The following KDM5B variants were observed in gnomAD, a reference collection of about 807,000 sequenced individuals.
KDM5B encodes lysine demethylase 5B.
A neutral mutation model predicts 193.4 loss-of-function variants in KDM5B; 144 were observed. That is an observed-to-expected ratio of 0.74 (90% CI 0.65 to 0.86). The LOEUF is 0.86. Ranked by LOEUF, KDM5B falls within the 40% of genes least tolerant of loss-of-function variation. The pLI, the probability that KDM5B is intolerant of heterozygous loss-of-function variation, is 0.00. For synonymous variants in KDM5B, 668 were observed against 682.6 expected (o/e 0.98, Z 0.33); for missense variants, 1,833 against 1,886.9 (o/e 0.97, Z 0.53).
At chr1:202,795,294 C>T (rs921221275) in intron 1 of KDM5B, among the ~76,000 whole-genome samples, 1 of 151,846 alleles carries the variant, frequency 6.6e-6, no homozygotes, top group Non-Finnish European at 1.5e-5. Flanking sequence ...TTGTACTGTC[C>T]TCACCTATTT....
At chr1:202,794,394 A>G (rs1006771631) in intron 1 of KDM5B, among the ~76,000 whole-genome samples, 2 of 152,216 alleles carry the variant, frequency 1.3e-5, no homozygotes, top group African/African-American at 2.4e-5. Context: ...CCCCATAAGA[A>G]TATGTGCTTA....
At chr1:202,767,492 T>G (rs1572744523) in intron 4 of KDM5B, 1 of 809,050 alleles carries the variant, frequency 1.2e-6, no homozygotes, top group Non-Finnish European at 2.1e-6. Flanking sequence ...CACCAAGACC[T>G]TTTTTTCACG....
chr1:202,803,683 C>A (rs538110034), intron 1 of KDM5B, among the ~76,000 whole-genome samples: 1 of 151,856 alleles, frequency 6.6e-6, no homozygotes, highest in Admixed American at 6.6e-5. Context: ...GTTAGCCGGG[C>A]GTGGCGGTGC....
At chr1:202,771,393 A>G (rs1221262751) in intron 4 of KDM5B, among the ~76,000 whole-genome samples, 2 of 97,362 alleles carry the variant, frequency 2.1e-5, no homozygotes, top group African/African-American at 3.1e-5. Flanking sequence ...CACCACATCC[A>G]GCTAATTTTT....
At chr1:202,759,113 T>C (rs1039118776) in intron 8 of KDM5B, among the ~76,000 whole-genome samples, 2 of 152,266 alleles carry the variant, frequency 1.3e-5, no homozygotes, top group Non-Finnish European at 2.9e-5. Flanking sequence ...GAGATATCCT[T>C]ATGTTGTAAC....
In KDM5B at chr1:202,773,040, G is replaced by A. The variant is rs999802617; in HGVS notation, c.576+78C>T. The A allele has an allele frequency of 1.3e-5, 14 of 1,087,722 alleles. No individual in the cohort carries two copies. In the Admixed American group the frequency reaches 3.1e-4, roughly 24 times the overall value. The allele number at this position is 1,087,722 out of a possible 1,614,324, so 67.4% of individuals were successfully genotyped here. A position where few individuals can be genotyped will look rare whatever the true frequency, so the allele number is the denominator to read the frequency against. ...ACAAGGTCTTCCAAACACAATCAAG[G>A]CTTTTTCATTTCCCTGAAAAGACAA... On this transcript the variant is annotated intron_variant, in intron 4 of 26. Coordinates refer to ENST00000367265, the MANE Select transcript of KDM5B (RefSeq NM_006618.5).
chr1:202,730,103 A>T, intron 25 of KDM5B, 76 bp from the exon 26 acceptor site: 2 of 1,256,692 alleles, frequency 1.6e-6, no homozygotes, highest in Non-Finnish European at 2.2e-6. Flanking sequence ...TAAAGAGAAC[A>T]TGTAAATTAG....
chr1:202,760,661 A>G, intron 7 of KDM5B, 88 bp from the exon 8 acceptor site: 1 of 908,798 alleles, frequency 1.1e-6, no homozygotes, highest in Non-Finnish European at 1.7e-6. Flanking sequence ...GATCTGAGAC[A>G]TAATCTAGTC....
At chr1:202,769,828 G>A (rs775260298) in intron 4 of KDM5B, among the ~76,000 whole-genome samples, 1 of 152,066 alleles carries the variant, frequency 6.6e-6, no homozygotes, top group Non-Finnish European at 1.5e-5. Context: ...TTTAATGAAA[G>A]CATGCAGAGG....
In KDM5B at chr1:202,733,855, T is replaced by C; in HGVS notation, c.3455A>G (p.Glu1152Gly). ...MATLGEARLR[E>G]MEALQSLRLA... The stretch of plus-strand genomic sequence containing the variant: ...TCTGAGAGACTGCAAGGCTTCCATT[T>C]CCCTTAGGCGAGCTTCCCCAAGAGT... The change falls in exon 23 of 27, where the codon GAA becomes GGA. Residue 1152 changes from glutamate (E) to glycine (G), a missense_variant. Physicochemically the swap from Glu to Gly is moderately conservative, Grantham distance 98. Around this residue, in one of 3 missense-constraint regions of KDM5B, gnomAD observed 1,379 missense variants for 1,349.6 expected, o/e 1.02. Transcript: ENST00000367265. 1 of 1,613,050 alleles carries C rather than the reference T, an allele frequency of 6.2e-7. No homozygotes were observed. The highest frequency in any genetic ancestry group is 1.3e-5 in the African/African-American group (1 of 74,922).
chr1:202,783,982 G>A (rs1558512081), intron 1 of KDM5B, among the ~76,000 whole-genome samples: 3 of 152,168 alleles, frequency 2.0e-5, no homozygotes. Context: ...TCAGAGGCCT[G>A]AGAAACATCA....
At chr1:202,794,998 A>G (rs576381906) in intron 1 of KDM5B, among the ~76,000 whole-genome samples, 121 of 152,198 alleles carry the variant, frequency 8.0e-4, no homozygotes, top group Middle Eastern at 6.8e-3. Context: ...AGATCACTTG[A>G]GGTCAGGAGT....
chr1:202,779,839 AT>A (rs1327115199), intron 1 of KDM5B, among the ~76,000 whole-genome samples: 3 of 144,124 alleles, frequency 2.1e-5, no homozygotes, highest in African/African-American at 5.0e-5. Context: ...AAATAAATAA[AT>A]AAATAAAAAA....
intron 1 of KDM5B, among the ~76,000 whole-genome samples, chr1:202,799,038 C>T (rs1657968001): frequency 6.6e-6 from 1 of 152,044 alleles, no homozygotes; most frequent in Non-Finnish European, 1.5e-5. Flanking sequence ...AAGGGGAAAT[C>T]CCTTCACTAT....
chr1:202,726,497 G>A lies in KDM5B; in HGVS notation c.*2539C>T, dbSNP rs1409128120. On this transcript the variant is annotated 3_prime_UTR_variant, in exon 27 of 27. Transcript: ENST00000367265. Reference sequence around the variant, plus strand: ...CAGTATTCATTTAGGTGAGGTGGAAGGCACACCTCATCTACCCTTTCTTTC... The same window carrying A: ...CAGTATTCATTTAGGTGAGGTGGAAAGCACACCTCATCTACCCTTTCTTTC... The A allele has an allele frequency of 6.6e-6, 1 of 152,186 alleles. No homozygotes were observed. Among genetic ancestry groups the A allele is most frequent in the Non-Finnish European group, 1.5e-5 (1 of 68,060 alleles). The allele number at this position is 152,186 out of a possible 1,614,324, so 9.4% of individuals were successfully genotyped here. A position where few individuals can be genotyped will look rare whatever the true frequency, so the allele number is the denominator to read the frequency against.
chr1:202,748,554 C>T (rs1655657796), intron 14 of KDM5B, among the ~76,000 whole-genome samples: 2 of 150,222 alleles, frequency 1.3e-5, no homozygotes, highest in Non-Finnish European at 3.0e-5. Flanking sequence ...AGAATTATTA[C>T]AAAAACCAAA....
chr1:202,756,704 C>T (rs1273208634), intron 9 of KDM5B, among the ~76,000 whole-genome samples, 188 bp from the exon 10 acceptor site: 1 of 152,174 alleles, frequency 6.6e-6, no homozygotes, highest in African/African-American at 2.4e-5. Context: ...TATCACCAGC[C>T]AGGCCACAAC....
intron 8 of KDM5B, chr1:202,758,831 G>A (rs1283813899): frequency 5.3e-6 from 1 of 186,980 alleles, no homozygotes; most frequent in African/African-American, 2.4e-5. Flanking sequence ...CTGAAAATGA[G>A]AGCAATAATG....
At chr1:202,783,232 C>T (rs1657269237) in intron 1 of KDM5B, among the ~76,000 whole-genome samples, 1 of 152,108 alleles carries the variant, frequency 6.6e-6, no homozygotes, top group African/African-American at 2.4e-5. Flanking sequence ...TGCGCCATTG[C>T]ACTCCAGCCT....
Sources: allele counts gnomAD v4.1 joint callset (sites outside exome capture counted in the v4.1 genomes callset), GRCh38; gene constraint gnomAD v4.1.1; regional missense constraint gnomAD v4.1.1; transcripts MANE v1.5; gene names NCBI Gene and HGNC (gene_info 2026-07-23, HGNC 2026-07-21).